Variants in PPM1G observed in about 807,000 individuals in gnomAD.
PPM1G encodes protein phosphatase 1G.
In PPM1G, 12 loss-of-function variants were observed where a neutral mutation model predicts 59.4. The observed-to-expected ratio is 0.20, with a 90% CI of 0.13 to 0.33. The LOEUF is 0.33. Ranked by LOEUF, PPM1G falls within the 10% of genes least tolerant of loss-of-function variation. PPM1G has a pLI of 1.00. For missense variants in PPM1G, 392 were observed against 681.3 expected (o/e 0.58, Z 4.73); for synonymous variants, 245 against 251.9 (o/e 0.97, Z 0.26).
At chr2:27,393,057 A>G in intron 1 of PPM1G, 3 of 1,307,134 alleles carry the variant, frequency 2.3e-6, no homozygotes, top group Non-Finnish European at 3.3e-6. Flanking sequence ...AATGTAATCC[A>G]TCGCATTCAG....
chr2:27,391,724 C>CT (rs1257019914), intron 1 of PPM1G, among the ~76,000 whole-genome samples: 1 of 150,044 alleles, frequency 6.7e-6, no homozygotes, highest in Admixed American at 6.7e-5. Context: ...ACAGGATGTT[C>CT]TTTTTTTCTT....
intron 1 of PPM1G, chr2:27,393,430 C>T (rs1294040841): frequency 2.8e-5 from 30 of 1,084,894 alleles, no homozygotes; most frequent in East Asian, 5.1e-5. Flanking sequence ...GGAGCTGCGG[C>T]GGGGGCCTTG....
At chr2:27,402,784 G>T (rs1425381001) in intron 1 of PPM1G, among the ~76,000 whole-genome samples, 1 of 150,736 alleles carries the variant, frequency 6.6e-6, no homozygotes, top group Non-Finnish European at 1.5e-5. Context: ...TCCAGCCTGG[G>T]TGACAGTGTA....
rs187256751 is a variant in PPM1G at position 27,394,574 on chromosome 2, C to T, written c.121-7416G>A. Among the ~76,000 whole-genome samples the T allele has an allele frequency of 1.1e-3, 163 of 151,452 alleles. 1 individual carries two copies. Among genetic ancestry groups the T allele is most frequent in the African/African-American group, 3.8e-3 (156 of 41,316 alleles). On this transcript the variant is annotated intron_variant, in intron 1 of 9. Transcript: ENST00000344034. ...TGAAACCCCATCTCTACTAAAAATA[C>T]AAAAAAATTAGCCAGGAGTGGTGGC...
In PPM1G at chr2:27,409,312, G is replaced by A. The variant is rs1223104956; in HGVS notation, c.111C>T (p.Val37=). 2 of 1,550,024 alleles carry A rather than the reference G, an allele frequency of 1.3e-6. No individual in the cohort carries two copies. Among genetic ancestry groups the A allele is most frequent in the African/African-American group, 1.4e-5 (1 of 71,966 alleles). Residue 37 remains valine, a synonymous_variant, in exon 1 of 10, where the codon GTC becomes GTT. Transcript: ENST00000344034. ...YGFSAMQGWR[V]SMEDAHNCIP... is the part of the protein sequence containing the mutation. ...GCCCCTGCCTCCTCACCTCCATGGA[G>A]ACGCGCCAGCCTTGCATGGCGGAGA...
chr2:27,388,500 T>C (rs1683821151), intron 1 of PPM1G, among the ~76,000 whole-genome samples: 1 of 152,194 alleles, frequency 6.6e-6, no homozygotes, highest in African/African-American at 2.4e-5. Context: ...AGTGGAAATG[T>C]AGCTGTTAAA....
rs532181897 is a variant in PPM1G, at chr2:27,386,922, T to A, written c.190+167A>T. 8.3e-6 allele frequency: 5 copies of A among 603,314 alleles called. No homozygotes were observed. In the African/African-American group the frequency reaches 9.3e-5, roughly 11 times the overall value. The allele number at this position is 603,314 out of a possible 1,614,324, so 37.4% of individuals were successfully genotyped here. A position where few individuals can be genotyped will look rare whatever the true frequency, so the allele number is the denominator to read the frequency against. ...CTGGTGAGATTATAAACCAATACAGTACCTACTGGGAAAAAAGAATGACAG... is the reference window on the plus strand; with the variant it reads ...CTGGTGAGATTATAAACCAATACAGAACCTACTGGGAAAAAAGAATGACAG... On this transcript the variant is annotated intron_variant, in intron 2 of 9. Transcript: ENST00000344034.
At chr2:27,407,814 C>T (rs1023375556) in intron 1 of PPM1G, among the ~76,000 whole-genome samples, 3 of 151,834 alleles carry the variant, frequency 2.0e-5, no homozygotes, top group African/African-American at 7.3e-5. Context: ...TTTGGGAGAC[C>T]GAGGCAGGCA....
intron 1 of PPM1G, among the ~76,000 whole-genome samples, chr2:27,394,837 C>T (rs12621704): frequency 1.3e-5 from 2 of 151,142 alleles, no homozygotes; most frequent in Non-Finnish European, 2.9e-5. Flanking sequence ...TTCCTGCACA[C>T]AATGGCCACC....
At position 27,382,721 on chromosome 2, in the gene PPM1G, A is replaced by G; in HGVS notation, c.1202-116T>C. 1 of 1,338,534 alleles carries G rather than the reference A, an allele frequency of 7.5e-7. No homozygotes were observed. 82.9% of individuals were successfully genotyped at this position (1,338,534 alleles called of 1,614,324 possible). A position where few individuals can be genotyped will look rare whatever the true frequency, so the allele number is the denominator to read the frequency against. ...TTTACAAAGTTCCATAATCTAGTGGAATGGGGAACTGAGTCCTAAGTCCTA... is the reference window on the plus strand; with the variant it reads ...TTTACAAAGTTCCATAATCTAGTGGGATGGGGAACTGAGTCCTAAGTCCTA... On this transcript the variant is annotated intron_variant, in intron 7 of 9. Coordinates refer to ENST00000344034, the MANE Select transcript of PPM1G (RefSeq NM_177983.3). The surrounding 1 kb of genome is among the most constrained non-coding windows in gnomAD (Gnocchi z 4.2).
intron 1 of PPM1G, chr2:27,392,677 G>T (rs1261601778): frequency 7.1e-6 from 5 of 706,800 alleles, no homozygotes; most frequent in African/African-American, 7.0e-5. Flanking sequence ...ACTTAAGTGG[G>T]TGTCTTGGAA....
chr2:27,409,268 C>T (rs370275172), intron 1 of PPM1G, 35 bp downstream of exon 1: 10 of 1,544,574 alleles, frequency 6.5e-6, no homozygotes, highest in Non-Finnish European at 8.7e-6. Context: ...ATTCCCGCCC[C>T]GCAGCGGCCA....
At chr2:27,396,819 C>CCA (rs1553313910) in intron 1 of PPM1G, among the ~76,000 whole-genome samples, 1 of 125,384 alleles carries the variant, frequency 8.0e-6, no homozygotes, top group Admixed American at 8.1e-5. Context: ...CCGTCTCCAA[C>CCA]AAAAAAAAAA....
intron 1 of PPM1G, chr2:27,393,010 T>C: frequency 8.0e-6 from 12 of 1,504,180 alleles, no homozygotes; most frequent in Non-Finnish European, 1.1e-5. Flanking sequence ...ATTCACATTT[T>C]TTTCCAAATG....
intron 1 of PPM1G, among the ~76,000 whole-genome samples, chr2:27,400,627 C>A (rs993087071): frequency 3.3e-5 from 5 of 151,988 alleles, no homozygotes; most frequent in African/African-American, 1.2e-4. Context: ...TTAAAACTGA[C>A]CTCCTGGAGA....
At position 27,385,111 on chromosome 2, in the gene PPM1G, G is replaced by C. The variant is rs1338545331; in HGVS notation, c.410-23C>G. ...CCACTGCAGGGAAGAGGCTAAATCA[G>C]AGCCCCCATGCCAGACTCCTCATGG... On this transcript the variant is annotated intron_variant, in intron 4 of 9. Coordinates refer to ENST00000344034, the MANE Select transcript of PPM1G (RefSeq NM_177983.3). The surrounding 1 kb of genome is among the most constrained non-coding windows in gnomAD (Gnocchi z 4.1). The C allele has an allele frequency of 6.4e-7, 1 of 1,559,108 alleles. No individual in the cohort carries two copies. The highest frequency in any genetic ancestry group is 2.2e-5 in the East Asian group (1 of 44,458).
chr2:27,388,796 A>G (rs1256823022), intron 1 of PPM1G, among the ~76,000 whole-genome samples: 1 of 151,186 alleles, frequency 6.6e-6, no homozygotes, highest in Non-Finnish European at 1.5e-5. Context: ...AATGGCGTGA[A>G]CCCAGGAGGC....
At chr2:27,406,210 C>A (rs1447358738) in intron 1 of PPM1G, among the ~76,000 whole-genome samples, 1 of 152,026 alleles carries the variant, frequency 6.6e-6, no homozygotes, top group African/African-American at 2.4e-5. Context: ...AGCATTAGGA[C>A]CAAGCAAATA....
intron 1 of PPM1G, chr2:27,392,655 A>C: frequency 1.6e-6 from 1 of 629,490 alleles, no homozygotes. Flanking sequence ...AAGGAATGGT[A>C]CAAATCAAAG....
Sources: allele counts gnomAD v4.1 joint callset (sites outside exome capture counted in the v4.1 genomes callset), GRCh38; gene constraint gnomAD v4.1.1; non-coding constraint Gnocchi (gnomAD v3.1); transcripts MANE v1.5; gene names NCBI Gene and HGNC (gene_info 2026-07-23, HGNC 2026-07-21).